ARHGAP42: variants seen among roughly 807,000 people sequenced by gnomAD.
The protein encoded by ARHGAP42 is Rho GTPase activating protein 42.
Under a neutral mutation model 125.0 loss-of-function variants are expected in ARHGAP42, and 63 were observed. The ratio of observed to expected loss-of-function variants is 0.50; its 90% CI spans 0.41 to 0.62. The LOEUF (loss-of-function observed/expected upper bound fraction) is 0.62, where lower values mean the gene tolerates loss of function less well. Among genes scored for constraint, ARHGAP42 ranks in the 20% least tolerant of loss-of-function variants. The pLI is 0.00. For missense variants in ARHGAP42, 766 were observed against 1,024.2 expected, an observed-to-expected ratio of 0.75 and a Z score of 3.44; for synonymous variants, 339 against 351.0, an observed-to-expected ratio of 0.97 and a Z score of 0.38.
chr11:100,959,541 G>A (rs1857901401), intron 12 of ARHGAP42, among the ~76,000 whole-genome samples: 3 of 151,960 alleles, frequency 2.0e-5, no homozygotes, highest in African/African-American at 7.2e-5. Flanking sequence ...TATAATACAA[G>A]TTTCAATACA....
At chr11:100,732,615 A>G (rs562563935) in intron 1 of ARHGAP42, among the ~76,000 whole-genome samples, 1 of 152,308 alleles carries the variant, frequency 6.6e-6, no homozygotes, top group Non-Finnish European at 1.5e-5. Context: ...ACAACACAGG[A>G]AAGTCCTGGA....
chr11:100,871,503 G>A (rs371138055), intron 4 of ARHGAP42, among the ~76,000 whole-genome samples: 3 of 142,846 alleles, frequency 2.1e-5, no homozygotes, highest in Non-Finnish European at 4.5e-5. Flanking sequence ...CCGAGATTGC[G>A]CCACTGCACT....
chr11:100,988,644 A>G, intron 23 of ARHGAP42, 69 bp from the exon 24 acceptor site: 1 of 1,306,920 alleles, frequency 7.7e-7, no homozygotes, highest in Middle Eastern at 1.9e-4. Context: ...TGGGTGTTTA[A>G]CCCATCTGTT....
intron 3 of ARHGAP42, among the ~76,000 whole-genome samples, chr11:100,835,408 A>G (rs941162854): frequency 6.6e-6 from 1 of 152,174 alleles, no homozygotes; most frequent in African/African-American, 2.4e-5. Flanking sequence ...TTGACTTTGT[A>G]CCTTAACATA....
chr11:100,824,099 T>C (rs1001713397), intron 3 of ARHGAP42, among the ~76,000 whole-genome samples: 4 of 152,156 alleles, frequency 2.6e-5, no homozygotes, highest in African/African-American at 9.6e-5. Flanking sequence ...TGTTTGTGCT[T>C]TTGCAGATTA....
At chr11:100,812,091 G>A (rs975207238) in intron 3 of ARHGAP42, among the ~76,000 whole-genome samples, 11 of 152,078 alleles carry the variant, frequency 7.2e-5, no homozygotes, top group Non-Finnish European at 1.5e-4. Context: ...ATGAGCCACC[G>A]TGCCTGTCCC....
At chr11:100,967,566 T>G (rs949372304) in intron 17 of ARHGAP42, among the ~76,000 whole-genome samples, 1 of 152,206 alleles carries the variant, frequency 6.6e-6, no homozygotes, top group Non-Finnish European at 1.5e-5. Context: ...CAATAATCCT[T>G]ACTCAGTACA....
chr11:100,716,401 C>G (rs961408868), intron 1 of ARHGAP42, among the ~76,000 whole-genome samples: 1 of 152,156 alleles, frequency 6.6e-6, no homozygotes, highest in East Asian at 1.9e-4. Flanking sequence ...ACAAAACAAC[C>G]AGTGGATTCC....
In ARHGAP42 at chr11:100,967,128, A is replaced by T. The variant is rs572341985; in HGVS notation, c.1550+1352A>T. Among the ~76,000 whole-genome samples, 36 of 152,270 alleles carry T rather than the reference A, an allele frequency of 2.4e-4. 1 individual carries two copies. The Middle Eastern group carries it at 0.01, about 43-fold the overall frequency. ...TTATAAAAACAGCAAACAGCTAATAACACTCTTGATCCCTGGCAACCTTTC... is the reference window on the plus strand; with the variant it reads ...TTATAAAAACAGCAAACAGCTAATATCACTCTTGATCCCTGGCAACCTTTC... On this transcript the variant is annotated intron_variant, in intron 17 of 23. Coordinates refer to ENST00000298815, the MANE Select transcript of ARHGAP42 (RefSeq NM_152432.4).
At chr11:100,915,864 C>T (rs151189397) in intron 5 of ARHGAP42, among the ~76,000 whole-genome samples, 1 of 152,132 alleles carries the variant, frequency 6.6e-6, no homozygotes, top group South Asian at 2.1e-4. Flanking sequence ...TCCCCCCTCC[C>T]TTCGCCCCTC....
intron 3 of ARHGAP42, among the ~76,000 whole-genome samples, chr11:100,856,908 G>A (rs1865334297): frequency 6.6e-6 from 1 of 151,804 alleles, no homozygotes; most frequent in Admixed American, 6.6e-5. Flanking sequence ...AGAAGTACAG[G>A]GATGAAACAC....
At chr11:100,869,090 C>A (rs931380617) in intron 4 of ARHGAP42, among the ~76,000 whole-genome samples, 1 of 151,930 alleles carries the variant, frequency 6.6e-6, no homozygotes, top group Admixed American at 6.6e-5. Flanking sequence ...ACGGAGACAA[C>A]AACAACAAAT....
chr11:100,915,238 A>G (rs1867031752), intron 5 of ARHGAP42, among the ~76,000 whole-genome samples: 1 of 152,230 alleles, frequency 6.6e-6, no homozygotes, highest in Non-Finnish European at 1.5e-5. Flanking sequence ...TACTATGTTT[A>G]CATGTACCAA....
intron 12 of ARHGAP42, among the ~76,000 whole-genome samples, chr11:100,959,216 A>T (rs181359458): frequency 6.6e-6 from 1 of 152,184 alleles, no homozygotes; most frequent in East Asian, 1.9e-4. Context: ...AAAACCCTTT[A>T]AAAAAATTAG....
At chr11:100,882,901 A>G (rs1038600259) in intron 4 of ARHGAP42, among the ~76,000 whole-genome samples, 4 of 152,158 alleles carry the variant, frequency 2.6e-5, no homozygotes, top group Admixed American at 2.0e-4. Flanking sequence ...GAAGGTGTTC[A>G]TAGTAGCCTT....
At chr11:100,967,695 T>A (rs1858130546) in intron 17 of ARHGAP42, among the ~76,000 whole-genome samples, 1 of 152,096 alleles carries the variant, frequency 6.6e-6, no homozygotes, top group Non-Finnish European at 1.5e-5. Context: ...TTTATAATTG[T>A]TATATATTCC....
intron 1 of ARHGAP42, among the ~76,000 whole-genome samples, chr11:100,733,539 G>C (rs1037480286): frequency 1.3e-5 from 2 of 152,130 alleles, no homozygotes; most frequent in Admixed American, 1.3e-4. Flanking sequence ...ATGCACTCCA[G>C]AGGGCTGCAT....
At chr11:100,692,555 C>T (rs1179854393) in intron 1 of ARHGAP42, among the ~76,000 whole-genome samples, 2 of 152,110 alleles carry the variant, frequency 1.3e-5, no homozygotes, top group Admixed American at 6.6e-5. Context: ...CTGATGAAGG[C>T]CTTCCTTCCA....
intron 3 of ARHGAP42, chr11:100,839,360 T>C (rs554269934): frequency 6.6e-6 from 1 of 152,258 alleles, no homozygotes; most frequent in East Asian, 1.9e-4. Context: ...TAAAGGTGAG[T>C]GTGAATGGCT....
Sources: allele counts gnomAD v4.1 joint callset (sites outside exome capture counted in the v4.1 genomes callset), GRCh38; gene constraint gnomAD v4.1.1; transcripts MANE v1.5; gene names NCBI Gene and HGNC (gene_info 2026-07-23, HGNC 2026-07-21).